The following LACTB2 variants were observed in gnomAD, a reference collection of about 807,000 sequenced individuals.
LACTB2 encodes the protein endoribonuclease LACTB2.
A neutral mutation model predicts 34.8 loss-of-function variants in LACTB2; 32 were observed. The ratio of observed to expected loss-of-function variants is 0.92; its 90% CI spans 0.69 to 1.24. The LOEUF (loss-of-function observed/expected upper bound fraction) is 1.24, where lower values mean the gene tolerates loss of function less well. Among genes scored for constraint, LACTB2 ranks in the 50% most tolerant of loss-of-function variants. LACTB2 has a pLI of 0.00. For synonymous variants in LACTB2, 120 were observed against 117.5 expected (o/e 1.02, Z -0.14); for missense variants, 320 against 345.0 (o/e 0.93, Z 0.57).
At position 70,657,742 on chromosome 8, in the gene LACTB2, G is replaced by C; in HGVS notation, c.413+14C>G. 6.2e-7 allele frequency: 1 copy of C among 1,604,004 alleles called. No individual in the cohort carries two copies. Among genetic ancestry groups the C allele is most frequent in the Non-Finnish European group, 8.5e-7 (1 of 1,175,410 alleles). On this transcript the variant is annotated intron_variant, in intron 3 of 6. Transcript: ENST00000276590. ...AGACTCTTCACCTTCCCTGGCTAAGGGACATTTACTTACCTTAGAGTGGCT... is the reference window on the plus strand; with the variant it reads ...AGACTCTTCACCTTCCCTGGCTAAGCGACATTTACTTACCTTAGAGTGGCT...
chr8:70,660,798 C>CT (rs372135739), intron 2 of LACTB2: 79 of 454,618 alleles, frequency 1.7e-4, no homozygotes, highest in Admixed American at 1.3e-3. Context: ...ATTTTTTTCC[C>CT]TTTTTTTTTC....
rs982042998 is a variant in LACTB2 at position 70,641,067 on chromosome 8, A to G, written c.593-17T>C. Reference sequence around the variant, plus strand: ...GGCCATGTCCTGAATTAAAATAATTATAAGAGTTACTTCAGTCAGATAAAA... The same window carrying G: ...GGCCATGTCCTGAATTAAAATAATTGTAAGAGTTACTTCAGTCAGATAAAA... On this transcript the variant is annotated splice_polypyrimidine_tract_variant and intron_variant, in intron 4 of 6. Coordinates refer to ENST00000276590, the MANE Select transcript of LACTB2 (RefSeq NM_016027.3). 1.1e-5 allele frequency: 18 copies of G among 1,576,682 alleles called. No individual in the cohort carries two copies. Among genetic ancestry groups the G allele is most frequent in the South Asian group, 2.4e-5 (2 of 82,904 alleles).
intron 4 of LACTB2, 132 bp from the exon 5 acceptor site, chr8:70,641,182 C>A: frequency 2.4e-6 from 2 of 845,088 alleles, no homozygotes; most frequent in East Asian, 3.2e-5. Context: ...CAAATATGAA[C>A]TATTTGGAAA....
chr8:70,640,801 A>G (rs1818186788), intron 5 of LACTB2, 101 bp downstream of exon 5: 2 of 1,259,808 alleles, frequency 1.6e-6, no homozygotes, highest in South Asian at 2.1e-5. Flanking sequence ...AAAGTGGCGT[A>G]ACTTCTGATC....
At position 70,637,867 on chromosome 8, in the gene LACTB2, T is replaced by A. The variant is rs771140387; in HGVS notation, c.860A>T (p.His287Leu). ...GCTTTCTTTAATCTGAAACTAAAGATGAGCTTTCCATTTCTTGTCAGGATC... is the reference window on the plus strand; with the variant it reads ...GCTTTCTTTAATCTGAAACTAAAGAAGAGCTTTCCATTTCTTGTCAGGATC... ...NTDPDKKWKAHL is the reference protein window; with the variant it reads ...NTDPDKKWKALL The change falls in exon 7 of 7, where the codon CAT becomes CTT. Residue 287 changes from histidine to leucine, a missense_variant. His to Leu is a moderately conservative substitution (Grantham distance 99). Transcript: ENST00000276590. 2 of 1,552,054 alleles carry A rather than the reference T, an allele frequency of 1.3e-6. No homozygotes were observed. The highest frequency in any genetic ancestry group is 8.7e-7 in the Non-Finnish European group (1 of 1,148,302).
intron 3 of LACTB2, among the ~76,000 whole-genome samples, chr8:70,649,613 T>C (rs1279653457): frequency 2.0e-5 from 3 of 152,294 alleles, no homozygotes; most frequent in African/African-American, 7.2e-5. Context: ...AGGACAGGAA[T>C]GGTGCTCAAA....
At chr8:70,638,657 T>C in intron 5 of LACTB2, 28 bp from the exon 6 acceptor site, 1 of 1,279,456 alleles carries the variant, frequency 7.8e-7, no homozygotes, top group East Asian at 2.9e-5. Context: ...GTGAAAAAAA[T>C]TCCTTTTTTT....
intron 1 of LACTB2, chr8:70,662,112 G>T: frequency 5.0e-6 from 2 of 399,322 alleles, no homozygotes; most frequent in Non-Finnish European, 4.5e-6. Flanking sequence ...TCTGAACAAG[G>T]AATAATAGCA....
intron 6 of LACTB2, 84 bp downstream of exon 6, chr8:70,638,464 A>G (rs1818150984): frequency 6.6e-6 from 9 of 1,368,010 alleles, no homozygotes; most frequent in Non-Finnish European, 8.8e-6. Context: ...TCTGATGGGT[A>G]TTATTTTTCC....
intron 1 of LACTB2, among the ~76,000 whole-genome samples, chr8:70,664,200 T>A (rs1818512882): frequency 6.6e-6 from 1 of 152,202 alleles, no homozygotes; most frequent in East Asian, 1.9e-4. Flanking sequence ...AAGGCTCAAA[T>A]TTTTTCAATC....
chr8:70,637,505 A>G lies in LACTB2; in HGVS notation c.*355T>C, dbSNP rs1025991226. 6.4e-6 allele frequency: 1 copy of G among 155,376 alleles called. No homozygotes were observed. Among genetic ancestry groups the G allele is most frequent in the Non-Finnish European group, 1.4e-5 (1 of 70,296 alleles). 9.6% of individuals were successfully genotyped at this position (155,376 alleles called of 1,614,324 possible). On this transcript the variant is annotated 3_prime_UTR_variant, in exon 7 of 7. Coordinates refer to ENST00000276590, the MANE Select transcript of LACTB2 (RefSeq NM_016027.3). ...GTTAAATAAAGTAGCTATAGAAAACAGTATAACTGATCACTAGTAATAGAT... is the reference window on the plus strand; with the variant it reads ...GTTAAATAAAGTAGCTATAGAAAACGGTATAACTGATCACTAGTAATAGAT...
At chr8:70,660,536 T>C (rs906694996) in intron 2 of LACTB2, 2 of 446,802 alleles carry the variant, frequency 4.5e-6, no homozygotes, top group African/African-American at 4.0e-5. Flanking sequence ...TGTTTAAAAA[T>C]ACTAGCTCAA....
At position 70,669,091 on chromosome 8, in the gene LACTB2, C is replaced by A. The variant is rs1332115603; in HGVS notation, c.30G>T (p.Arg10=). MAAVLQRVE[R]LSNRVVRVLG... ...ACACACGCACGACTCGATTGGACAG[C>A]CGCTCGACGCGCTGCAGTACAGCAG... The change falls in exon 1 of 7, where the codon CGG becomes CGT. Residue 10 remains arginine (R), a synonymous_variant. Coordinates refer to ENST00000276590, the MANE Select transcript of LACTB2 (RefSeq NM_016027.3). 6.2e-7 allele frequency: 1 copy of A among 1,612,046 alleles called. No homozygotes were observed. Among genetic ancestry groups the A allele is most frequent in the Non-Finnish European group, 8.5e-7 (1 of 1,179,360 alleles).
chr8:70,640,318 A>G (rs1818180298), intron 5 of LACTB2, among the ~76,000 whole-genome samples: 1 of 152,184 alleles, frequency 6.6e-6, no homozygotes, highest in South Asian at 2.1e-4. Context: ...GACATCTAAT[A>G]AACATTTGCT....
intron 1 of LACTB2, 79 bp from the exon 2 acceptor site, chr8:70,661,976 C>T: frequency 7.9e-7 from 1 of 1,269,310 alleles, no homozygotes; most frequent in Non-Finnish European, 1.1e-6. Context: ...AGATAATTTA[C>T]ATTAAAGAAA....
In LACTB2 at chr8:70,658,594, G is replaced by A. The variant is rs76500990; in HGVS notation, c.287-712C>T. Among the ~76,000 whole-genome samples the A allele has an allele frequency of 6.5e-3, 984 of 152,132 alleles. 11 individuals carry two copies. Among genetic ancestry groups the A allele is most frequent in the African/African-American group, 0.022 (917 of 41,502 alleles). On this transcript the variant is annotated intron_variant, in intron 2 of 6. Coordinates refer to ENST00000276590, the MANE Select transcript of LACTB2 (RefSeq NM_016027.3). ...TTAATGAATATTAAATGGACAATTCGGCTAATAAAGGCAGCAGGAGTTCAG... is the reference window on the plus strand; with the variant it reads ...TTAATGAATATTAAATGGACAATTCAGCTAATAAAGGCAGCAGGAGTTCAG...
intron 5 of LACTB2, 115 bp from the exon 6 acceptor site, chr8:70,638,744 A>ATTTTTT: frequency 1.6e-6 from 1 of 636,218 alleles, no homozygotes; most frequent in Non-Finnish European, 2.2e-6. Context: ...TCTTAAACAC[A>ATTTTTT]TTTTTTTTTT....
chr8:70,638,140 T>A (rs915191505), intron 6 of LACTB2, among the ~76,000 whole-genome samples: 4 of 152,226 alleles, frequency 2.6e-5, no homozygotes, highest in Non-Finnish European at 4.4e-5. Context: ...TTTGACAAAC[T>A]AACACTAGAA....
chr8:70,660,733 C>T (rs1284653744), intron 2 of LACTB2: 1 of 456,202 alleles, frequency 2.2e-6, no homozygotes, highest in African/African-American at 2.0e-5. Flanking sequence ...CGCTCTCTTC[C>T]CTTTCTCTTC....
Sources: allele counts gnomAD v4.1 joint callset (sites outside exome capture counted in the v4.1 genomes callset), GRCh38; gene constraint gnomAD v4.1.1; transcripts MANE v1.5; gene names NCBI Gene and HGNC (gene_info 2026-07-23, HGNC 2026-07-21).